The following PTPRD variants were observed in gnomAD, a reference collection of about 807,000 sequenced individuals.
The protein encoded by PTPRD is protein tyrosine phosphatase receptor type D, also known as receptor-type tyrosine-protein phosphatase delta.
In PTPRD, 34 loss-of-function variants were observed where a neutral mutation model predicts 214.5. The ratio of observed to expected loss-of-function variants is 0.16; its 90% confidence interval spans 0.12 to 0.21. The LOEUF (loss-of-function observed/expected upper bound fraction) is 0.21. Among genes scored for constraint, PTPRD ranks in the 10% least tolerant of loss-of-function variants. PTPRD has a pLI of 1.00. For synonymous variants in PTPRD, 1,128 were observed against 845.7 expected, an observed-to-expected ratio of 1.33 and a Z score of -5.79; for missense variants, 2,545 against 2,398.7, an observed-to-expected ratio of 1.06 and a Z score of -1.27.
chr9:9,363,846 C>T (rs1256724859), intron 9 of PTPRD, among the ~76,000 whole-genome samples: 1 of 151,256 alleles, frequency 6.6e-6, no homozygotes, highest in Admixed American at 6.6e-5. Context: ...CAGTAAATAA[C>T]TTTTTTGGTG....
chr9:10,380,846 A>G (rs1439598784), intron 2 of PTPRD, among the ~76,000 whole-genome samples: 7 of 152,084 alleles, frequency 4.6e-5, no homozygotes, highest in African/African-American at 1.2e-4. Context: ...TTTGAGTTCA[A>G]TTGTGATTAG....
At chr9:9,842,890 T>A (rs1489608818) in intron 5 of PTPRD, among the ~76,000 whole-genome samples, 1 of 152,112 alleles carries the variant, frequency 6.6e-6, no homozygotes, top group Non-Finnish European at 1.5e-5. Context: ...ACTTGTGATA[T>A]TCTATAAGTA....
chr9:8,481,500 T>C (rs2096884748), intron 30 of PTPRD, among the ~76,000 whole-genome samples: 2 of 152,202 alleles, frequency 1.3e-5, no homozygotes, highest in East Asian at 1.9e-4. Flanking sequence ...TTCTCAGCCA[T>C]CTGCTTTAAG....
chr9:10,121,023 G>C (rs2098770645), intron 3 of PTPRD, among the ~76,000 whole-genome samples: 1 of 152,112 alleles, frequency 6.6e-6, no homozygotes. Flanking sequence ...TGACTAAATA[G>C]GGTTGTAGAA....
intron 14 of PTPRD, among the ~76,000 whole-genome samples, chr9:8,603,685 G>A (rs1392286183): frequency 6.6e-6 from 1 of 152,056 alleles, no homozygotes; most frequent in Non-Finnish European, 1.5e-5. Context: ...TACTTATAAG[G>A]GAAGTTGATG....
intron 11 of PTPRD, among the ~76,000 whole-genome samples, chr9:8,841,050 G>C (rs966943211): frequency 2.0e-5 from 3 of 152,126 alleles, no homozygotes; most frequent in African/African-American, 7.2e-5. Flanking sequence ...GCTACAGAGT[G>C]GTGAGGATGA....
At chr9:10,570,244 A>G (rs951729083) in intron 2 of PTPRD, among the ~76,000 whole-genome samples, 9 of 152,156 alleles carry the variant, frequency 5.9e-5, no homozygotes, top group Non-Finnish European at 1.3e-4. Context: ...AAGGATATCC[A>G]TCTTGTTTGA....
intron 11 of PTPRD, among the ~76,000 whole-genome samples, chr9:8,848,873 C>A (rs1020433755): frequency 1.5e-5 from 2 of 134,484 alleles, no homozygotes; most frequent in Admixed American, 1.4e-4. Flanking sequence ...GATAATAAAA[C>A]CATCTGACTT....
intron 2 of PTPRD, among the ~76,000 whole-genome samples, chr9:10,544,229 T>C (rs2059739189): frequency 6.6e-6 from 1 of 152,118 alleles, no homozygotes; most frequent in South Asian, 2.1e-4. Flanking sequence ...ATGTATGGTG[T>C]CCCTAGAAAT....
chr9:10,359,388 A>T (rs949782965), intron 2 of PTPRD, among the ~76,000 whole-genome samples: 1 of 152,022 alleles, frequency 6.6e-6, no homozygotes, highest in Non-Finnish European at 1.5e-5. Flanking sequence ...AGTTGTAAAT[A>T]TTATTACATC....
chr9:9,152,738 A>G lies in PTPRD; in HGVS notation c.-143+30566T>C, dbSNP rs557836378. Among the ~76,000 whole-genome samples the G allele has an allele frequency of 4.2e-4, 64 of 152,294 alleles. 3 individuals carry two copies. In the South Asian group the frequency reaches 0.012, roughly 30 times the overall value. On this transcript the variant is annotated intron_variant, in intron 10 of 45. Transcript: ENST00000381196. Reference sequence around the variant, plus strand: ...AGTGGTTTCTTTTGGGCCTTGGGCAAATGGGCCAACACTTATTTTCAAGGC... The same window carrying G: ...AGTGGTTTCTTTTGGGCCTTGGGCAGATGGGCCAACACTTATTTTCAAGGC...
intron 8 of PTPRD, among the ~76,000 whole-genome samples, chr9:9,569,550 C>G (rs2085694306): frequency 6.6e-6 from 1 of 151,246 alleles, no homozygotes; most frequent in Admixed American, 6.6e-5. Flanking sequence ...TGTTCTAAAG[C>G]TCTTTTTTTT....
At chr9:10,469,684 G>T (rs1341197999) in intron 2 of PTPRD, among the ~76,000 whole-genome samples, 1 of 152,040 alleles carries the variant, frequency 6.6e-6, no homozygotes, top group Non-Finnish European at 1.5e-5. Flanking sequence ...AAGAAAAACT[G>T]CATATAAAAG....
chr9:8,345,775 A>G (rs1856991357), intron 39 of PTPRD, among the ~76,000 whole-genome samples: 1 of 152,076 alleles, frequency 6.6e-6, no homozygotes, highest in Non-Finnish European at 1.5e-5. Flanking sequence ...TCAGAAATCT[A>G]CTGGCATCCG....
chr9:9,939,804 G>C (rs1407768293), intron 4 of PTPRD, among the ~76,000 whole-genome samples: 1 of 152,222 alleles, frequency 6.6e-6, no homozygotes, highest in African/African-American at 2.4e-5. Flanking sequence ...ACGATGTGAA[G>C]GGCTCAAGAA....
chr9:9,163,273 C>G (rs553517937), intron 10 of PTPRD, among the ~76,000 whole-genome samples: 89 of 152,150 alleles, frequency 5.8e-4, no homozygotes, highest in African/African-American at 1.9e-3. Context: ...GTTACTAAAA[C>G]TGCACATGGA....
At chr9:8,417,229 T>G (rs1343590597) in intron 35 of PTPRD, among the ~76,000 whole-genome samples, 1 of 152,124 alleles carries the variant, frequency 6.6e-6, no homozygotes, top group Non-Finnish European at 1.5e-5. Flanking sequence ...AGTGGGAAGT[T>G]AAGTATAATC....
At chr9:8,629,815 C>T (rs1420463847) in intron 14 of PTPRD, among the ~76,000 whole-genome samples, 2 of 151,740 alleles carry the variant, frequency 1.3e-5, no homozygotes, top group African/African-American at 2.4e-5. Context: ...TTTCGTGAAC[C>T]ACACTCTATG....
intron 4 of PTPRD, among the ~76,000 whole-genome samples, chr9:9,967,551 C>G (rs776538704): frequency 6.6e-6 from 1 of 152,122 alleles, no homozygotes; most frequent in African/African-American, 2.4e-5. Flanking sequence ...TCAATCCTTA[C>G]AGTGACCATA....
Sources: allele counts gnomAD v4.1 joint callset (sites outside exome capture counted in the v4.1 genomes callset), GRCh38; gene constraint gnomAD v4.1.1; transcripts MANE v1.5; gene names NCBI Gene and HGNC (gene_info 2026-07-23, HGNC 2026-07-21).